The following FLACC1 variants were observed in gnomAD, a reference collection of about 807,000 sequenced individuals.
FLACC1 encodes flagellum associated containing coiled-coil domains 1.
Under a neutral mutation model 62.8 loss-of-function variants are expected in FLACC1, and 66 were observed. That is an observed-to-expected ratio of 1.05 (90% CI 0.86 to 1.29). FLACC1 has a LOEUF of 1.29. FLACC1 is among the 50% of genes most tolerant of loss of function. FLACC1 has a pLI of 0.00. For synonymous variants in FLACC1, 156 were observed against 161.0 expected (o/e 0.97, Z 0.24); for missense variants, 452 against 489.1 (o/e 0.92, Z 0.71).
chr2:201,288,867 G>A (rs955555130), intron 14 of FLACC1, 86 bp from the exon 15 acceptor site: 6 of 1,481,058 alleles, frequency 4.1e-6, no homozygotes, highest in Non-Finnish European at 5.5e-6. Context: ...AGAGAAATGT[G>A]CCTTCGTTCC....
chr2:201,346,818 T>C lies in FLACC1; in HGVS notation c.235-143A>G, dbSNP rs939681205. On this transcript the variant is annotated intron_variant, in intron 4 of 14. Coordinates refer to ENST00000392257, the MANE Select transcript of FLACC1 (RefSeq NM_001127391.3). This position sits in a 1 kb window ranked among gnomAD's most constrained non-coding sequence, Gnocchi z 4.0. The stretch of plus-strand genomic sequence containing the variant: ...AAGCCCTTCTGGGCCCTTCACCCAT[T>C]ATAGCTCATTCTCACATCTCTCCGA... The C allele has an allele frequency of 1.0e-6, 1 of 980,922 alleles. No individual in the cohort carries two copies. Among genetic ancestry groups the C allele is most frequent in the South Asian group, 1.6e-5 (1 of 61,578 alleles). 60.8% of individuals were successfully genotyped at this position (980,922 alleles called of 1,614,324 possible).
intron 10 of FLACC1, among the ~76,000 whole-genome samples, chr2:201,308,712 A>G (rs1480280753): frequency 2.6e-5 from 4 of 152,212 alleles, no homozygotes; most frequent in African/African-American, 7.2e-5. Context: ...TCCTTCTGGA[A>G]GACGTGGGAA....
intron 12 of FLACC1, among the ~76,000 whole-genome samples, chr2:201,298,470 G>C (rs1360123134): frequency 6.6e-6 from 1 of 152,146 alleles, no homozygotes; most frequent in Non-Finnish European, 1.5e-5. Context: ...AAAAATCAAT[G>C]AAGAGAAACA....
In FLACC1 at chr2:201,325,260, G is replaced by A. The variant is rs77670079; in HGVS notation, c.675+5210C>T. Among the ~76,000 whole-genome samples, 4 of 151,952 alleles carry A rather than the reference G, an allele frequency of 2.6e-5. No individual in the cohort carries two copies. The East Asian group carries it at 7.7e-4, about 29-fold the overall frequency. On this transcript the variant is annotated intron_variant, in intron 9 of 14. Transcript: ENST00000392257. Reference sequence around the variant, plus strand: ...TGACAATGTCACACTGCAAGGAACTGGAGAAACAAAAAAAACGAAGTCCAA... The same window carrying A: ...TGACAATGTCACACTGCAAGGAACTAGAGAAACAAAAAAAACGAAGTCCAA...
At chr2:201,309,649 C>T (rs998096021) in intron 9 of FLACC1, among the ~76,000 whole-genome samples, 2 of 152,074 alleles carry the variant, frequency 1.3e-5, no homozygotes, top group South Asian at 4.1e-4. Context: ...TGGCTCACAC[C>T]TGTAATCCCA....
chr2:201,362,095 AT>A (rs1432312589), upstream of FLACC1, among the ~76,000 whole-genome samples: 4 of 152,218 alleles, frequency 2.6e-5, no homozygotes, highest in Non-Finnish European at 5.9e-5. Flanking sequence ...CCTAACTCAA[AT>A]TTAATATAGT....
intron 12 of FLACC1, among the ~76,000 whole-genome samples, chr2:201,290,218 T>C (rs10182514): frequency 0.057 from 8,707 of 152,148 alleles, 708 homozygotes; most frequent in African/African-American, 0.17. Context: ...ATACATGACA[T>C]GACATATTAG....
chr2:201,308,538 C>T (rs1576428937), intron 10 of FLACC1, among the ~76,000 whole-genome samples: 1 of 152,284 alleles, frequency 6.6e-6, no homozygotes, highest in East Asian at 1.9e-4. Flanking sequence ...CCACTCCTAC[C>T]TCAACTAGTC....
chr2:201,296,397 C>A (rs545817830), intron 12 of FLACC1, among the ~76,000 whole-genome samples: 23 of 151,422 alleles, frequency 1.5e-4, no homozygotes, highest in African/African-American at 5.6e-4. Context: ...TCATTCTGAG[C>A]AAACTATGGC....
Position 201,346,845 on chromosome 2 carries a change from T to G in FLACC1, c.235-170A>C, listed in dbSNP as rs939476850. On this transcript the variant is annotated intron_variant, in intron 4 of 14. Coordinates refer to ENST00000392257, the MANE Select transcript of FLACC1 (RefSeq NM_001127391.3). The surrounding 1 kb of genome is among the most constrained non-coding windows in gnomAD (Gnocchi z 4.0). ...TAGCTCATTCTCACATCTCTCCGAC[T>G]CAAATCTGATGCTTAGCAGGCTCCT... Among the ~76,000 whole-genome samples the G allele has an allele frequency of 6.6e-6, 1 of 152,170 alleles. No homozygotes were observed. Among genetic ancestry groups the G allele is most frequent in the African/African-American group, 2.4e-5 (1 of 41,444 alleles).
At chr2:201,298,782 A>G (rs1949917929) in intron 12 of FLACC1, among the ~76,000 whole-genome samples, 1 of 152,264 alleles carries the variant, frequency 6.6e-6, no homozygotes, top group African/African-American at 2.4e-5. Context: ...GTTGTCTCCC[A>G]CAGACTGCCA....
chr2:201,303,264 C>T (rs1950027481), intron 11 of FLACC1, among the ~76,000 whole-genome samples: 1 of 152,134 alleles, frequency 6.6e-6, no homozygotes, highest in Admixed American at 6.5e-5. Context: ...ACCGATCCCA[C>T]AGAGATACAA....
chr2:201,338,093 T>A (rs1950731178), intron 7 of FLACC1, among the ~76,000 whole-genome samples: 1 of 152,248 alleles, frequency 6.6e-6, no homozygotes, highest in Non-Finnish European at 1.5e-5. Flanking sequence ...GTTTTGCAGT[T>A]TTCCTTCTAA....
intron 9 of FLACC1, among the ~76,000 whole-genome samples, chr2:201,311,875 A>G (rs1030545656): frequency 6.6e-6 from 1 of 152,202 alleles, no homozygotes; most frequent in Non-Finnish European, 1.5e-5. Flanking sequence ...ATAAAATCCA[A>G]CATCCCTTCA....
chr2:201,317,435 C>T (rs1181379296), intron 9 of FLACC1, among the ~76,000 whole-genome samples: 1 of 152,104 alleles, frequency 6.6e-6, no homozygotes, highest in East Asian at 1.9e-4. Flanking sequence ...ATCAAGAACT[C>T]AACCCCTTTT....
chr2:201,334,977 GTCT>G (rs1950665565), intron 7 of FLACC1, among the ~76,000 whole-genome samples: 1 of 151,916 alleles, frequency 6.6e-6, no homozygotes, highest in South Asian at 2.1e-4. Flanking sequence ...ATCTTTATTG[GTCT>G]GTTCAGATTT....
chr2:201,332,905 C>G (rs1576457673), intron 7 of FLACC1, among the ~76,000 whole-genome samples: 2 of 152,300 alleles, frequency 1.3e-5, no homozygotes, highest in South Asian at 4.1e-4. Flanking sequence ...TTTTTAAAGG[C>G]TGAATAGTAT....
chr2:201,358,812 C>T (rs940932130), upstream of FLACC1, among the ~76,000 whole-genome samples: 6 of 152,158 alleles, frequency 3.9e-5, no homozygotes, highest in Non-Finnish European at 7.3e-5. Flanking sequence ...CCTCCTGCTT[C>T]GGCCTCCCAA....
intron 3 of FLACC1, among the ~76,000 whole-genome samples, chr2:201,350,382 C>T (rs1384411777): frequency 2.0e-5 from 3 of 152,038 alleles, no homozygotes; most frequent in Non-Finnish European, 1.5e-5. Flanking sequence ...AAGACTCCAT[C>T]TCAAACAAAC....
Sources: gnomAD v4.1 joint callset for allele counts (sites outside exome capture counted in the v4.1 genomes callset) on GRCh38, gnomAD v4.1.1 for gene constraint, Gnocchi (gnomAD v3.1) non-coding constraint, MANE v1.5 for transcripts, NCBI Gene and HGNC (gene_info 2026-07-23, HGNC 2026-07-21) for gene names.